The following NBEA variants were observed in gnomAD, a reference collection of about 807,000 sequenced individuals.
The protein encoded by NBEA is neurobeachin.
Under a neutral mutation model 343.4 loss-of-function variants are expected in NBEA, and 44 were observed. The observed-to-expected ratio is 0.13, with a 90% confidence interval of 0.10 to 0.16. NBEA has a LOEUF of 0.16. Among genes scored for constraint, NBEA ranks in the 10% least tolerant of loss-of-function variants. The probability of loss-of-function intolerance (pLI) is 1.00; values close to 1 mark genes in which losing one functional copy is unlikely to be tolerated. For missense variants in NBEA, 2,555 were observed against 3,631.3 expected (o/e 0.70, Z 7.62); for synonymous variants, 1,175 against 1,238.7 (o/e 0.95, Z 1.08).
At chr13:35,125,283 T>C (rs377024361) in intron 17 of NBEA, among the ~76,000 whole-genome samples, 1 of 152,152 alleles carries the variant, frequency 6.6e-6, no homozygotes, top group Non-Finnish European at 1.5e-5. Context: ...CTGTTAAGGC[T>C]AAAGAGAAGA....
At chr13:35,227,121 G>T (rs1227478391) in intron 33 of NBEA, among the ~76,000 whole-genome samples, 2 of 151,762 alleles carry the variant, frequency 1.3e-5, no homozygotes, top group Non-Finnish European at 2.9e-5. Context: ...AAGATCACAG[G>T]GAAGTAAAAT....
At chr13:35,090,865 G>A (rs1191004883) in intron 10 of NBEA, among the ~76,000 whole-genome samples, 2 of 151,972 alleles carry the variant, frequency 1.3e-5, no homozygotes, top group Non-Finnish European at 2.9e-5. Context: ...ATAATAGCAG[G>A]TAGAATGGGG....
At chr13:35,130,048 G>A (rs1227130060) in intron 17 of NBEA, among the ~76,000 whole-genome samples, 3 of 152,024 alleles carry the variant, frequency 2.0e-5, no homozygotes, top group Admixed American at 6.6e-5. Context: ...TCTGTTAAAG[G>A]AATGGAACAA....
chr13:35,338,388 CACTAA>C (rs2039392585), intron 36 of NBEA, among the ~76,000 whole-genome samples: 1 of 151,986 alleles, frequency 6.6e-6, no homozygotes, highest in Admixed American at 6.6e-5. Flanking sequence ...ACATAACTAA[CACTAA>C]ACTAAAACTG....
chr13:35,173,598 A>G lies in NBEA; in HGVS notation c.4554+4A>G. 1 of 1,589,488 alleles carries G rather than the reference A, an allele frequency of 6.3e-7. No individual in the cohort carries two copies. On this transcript the variant is annotated splice_donor_region_variant and intron_variant, in intron 27 of 58. Transcript: ENST00000379939. ...GACTGCTACAGCAGCTTCGAAGGTA[A>G]GTAAACTTTTTTTCTTGGCCAAATA...
rs555883481 is a variant in NBEA at position 35,278,042 on chromosome 13, G to A, written c.5777-12347G>A. Among the ~76,000 whole-genome samples, 27 of 150,730 alleles carry A rather than the reference G, an allele frequency of 1.8e-4. No homozygotes were observed. The South Asian group carries it at 2.1e-3, about 12-fold the overall frequency. On this transcript the variant is annotated intron_variant, in intron 34 of 58. Transcript: ENST00000379939. ...GCAGAGGTTGCAGTGAGCCAAGATC[G>A]CACCACTGCACTCCAGCCTGTGCAA...
intron 34 of NBEA, among the ~76,000 whole-genome samples, chr13:35,248,940 G>A (rs1320772453): frequency 6.6e-6 from 1 of 151,922 alleles, no homozygotes; most frequent in Non-Finnish European, 1.5e-5. Flanking sequence ...ACCTGAGGTC[G>A]GGAGTTCGAG....
At chr13:35,401,401 GC>G (rs2042997563) in intron 38 of NBEA, among the ~76,000 whole-genome samples, 1 of 151,964 alleles carries the variant, frequency 6.6e-6, no homozygotes, top group East Asian at 1.9e-4. Flanking sequence ...AAATCAAAGG[GC>G]TATCAATAAG....
At chr13:35,497,562 A>T (rs1266457256) in intron 41 of NBEA, among the ~76,000 whole-genome samples, 5 of 152,040 alleles carry the variant, frequency 3.3e-5, no homozygotes, top group African/African-American at 1.2e-4. Context: ...CCTACAAGAG[A>T]TTAATTTGCA....
chr13:35,311,349 G>A (rs146850195), intron 36 of NBEA, among the ~76,000 whole-genome samples: 105 of 151,394 alleles, frequency 6.9e-4, no homozygotes, highest in African/African-American at 2.1e-3. Context: ...ATTATTATCA[G>A]TAACTCTCCT....
At chr13:35,199,393 A>G (rs1186868874) in intron 31 of NBEA, among the ~76,000 whole-genome samples, 1 of 152,130 alleles carries the variant, frequency 6.6e-6, no homozygotes, top group African/African-American at 2.4e-5. Context: ...CAAACACAGA[A>G]TCTATCATGG....
At chr13:35,299,853 C>T (rs908289068) in intron 35 of NBEA, among the ~76,000 whole-genome samples, 1 of 152,044 alleles carries the variant, frequency 6.6e-6, no homozygotes, top group African/African-American at 2.4e-5. Flanking sequence ...TATTCTTATC[C>T]CTTTGCATGT....
Position 35,173,569 on chromosome 13 carries a change from G to C in NBEA, c.4529G>C (p.Ser1510Thr), listed in dbSNP as rs1284040841. 1 of 1,611,598 alleles carries C rather than the reference G, an allele frequency of 6.2e-7. No homozygotes were observed. The highest frequency in any genetic ancestry group is 1.3e-5 in the African/African-American group (1 of 74,836). Residue 1510 changes from serine to threonine, a missense_variant, in exon 27 of 59, where the codon AGT becomes ACT. This residue lies in a region of NBEA where 168 missense variants were observed against 193.0 expected (regional missense o/e 0.87). Transcript: ENST00000379939. ...GSSKPQEVPQ[S>T]VTATAASKTP... Reference sequence around the variant, plus strand: ...AGTAAACCTCAGGAAGTTCCTCAAAGTGTGACTGCTACAGCAGCTTCGAAG... The same window carrying C: ...AGTAAACCTCAGGAAGTTCCTCAAACTGTGACTGCTACAGCAGCTTCGAAG...
intron 45 of NBEA, among the ~76,000 whole-genome samples, chr13:35,581,410 T>C (rs527527815): frequency 2.1e-3 from 319 of 152,146 alleles, no homozygotes; most frequent in Non-Finnish European, 3.4e-3. Flanking sequence ...TTTGGCTGCA[T>C]AAATGTCTTC....
chr13:35,384,678 A>T (rs997136744), intron 38 of NBEA, among the ~76,000 whole-genome samples: 12 of 151,950 alleles, frequency 7.9e-5, no homozygotes, highest in African/African-American at 2.9e-4. Flanking sequence ...AGCACCTGCC[A>T]TCATGCCGGG....
At chr13:35,593,251 G>T (rs1170308278) in intron 46 of NBEA, 77 bp from the exon 47 acceptor site, 10 of 1,507,872 alleles carry the variant, frequency 6.6e-6, no homozygotes, top group Admixed American at 5.8e-5. Context: ...GGATTTTCAA[G>T]ATAGCCATGT....
At chr13:35,466,320 A>T (rs2075385298) in intron 40 of NBEA, among the ~76,000 whole-genome samples, 2 of 152,214 alleles carry the variant, frequency 1.3e-5, no homozygotes, top group African/African-American at 4.8e-5. Context: ...GTAAAATTTG[A>T]GTTTATAGAA....
intron 35 of NBEA, among the ~76,000 whole-genome samples, chr13:35,295,573 A>G (rs965346313): frequency 1.3e-5 from 2 of 152,216 alleles, no homozygotes; most frequent in African/African-American, 4.8e-5. Flanking sequence ...GTGAAAATAC[A>G]GTGAGGCATA....
chr13:35,078,976 C>T (rs1038649014), intron 10 of NBEA, among the ~76,000 whole-genome samples: 1 of 151,986 alleles, frequency 6.6e-6, no homozygotes, highest in South Asian at 2.1e-4. Flanking sequence ...GGGCCGAGAT[C>T]GCACCACTGC....
Sources: gnomAD v4.1 joint callset for allele counts (sites outside exome capture counted in the v4.1 genomes callset) on GRCh38, gnomAD v4.1.1 for gene constraint, gnomAD v4.1.1 regional missense constraint, MANE v1.5 for transcripts, NCBI Gene and HGNC (gene_info 2026-07-23, HGNC 2026-07-21) for gene names.